The following UFL1 variants were observed in gnomAD, a reference collection of about 807,000 sequenced individuals.
The protein encoded by UFL1 is E3 UFM1-protein ligase 1.
UFL1 carries 78 observed loss-of-function variants against 99.3 expected under a neutral mutation model. The ratio of observed to expected loss-of-function variants is 0.79; its 90% CI spans 0.65 to 0.95. UFL1 has a LOEUF of 0.95. Ranked by LOEUF, UFL1 falls within the 40% of genes least tolerant of loss-of-function variation. The pLI is 0.00. For missense variants in UFL1, 936 were observed against 937.0 expected (o/e 1.00, Z 0.01); for synonymous variants, 335 against 322.2 (o/e 1.04, Z -0.42).
rs1562253703 is a variant in UFL1 at position 96,537,387 on chromosome 6, G to T, written c.816G>T (p.Leu272Phe). The T allele has an allele frequency of 5.1e-6, 8 of 1,574,836 alleles. No individual in the cohort carries two copies. The highest frequency in any genetic ancestry group is 6.9e-6 in the Non-Finnish European group (8 of 1,165,538). ...ATATATTTGTAGAATTTGATGCTTT[G>T]TCCAGACTTGGAATCCCAGATGCTG... Reference protein sequence around the residue: ...RQNGYLEFDALSRLGIPDAVS... With the variant: ...RQNGYLEFDAFSRLGIPDAVS... The change falls in exon 9 of 19, where the codon TTG (leucine) becomes TTT (phenylalanine). Residue 272 changes from leucine to phenylalanine, a missense_variant. By Grantham distance (22) the Leu-to-Phe change is conservative (BLOSUM62 0). Transcript: ENST00000369278.
At position 96,534,252 on chromosome 6, in the gene UFL1, T is replaced by C. The variant is rs1375800851; in HGVS notation, c.597-11T>C. 3.3e-6 allele frequency: 5 copies of C among 1,514,938 alleles called. No homozygotes were observed. The highest frequency in any genetic ancestry group is 3.5e-6 in the Non-Finnish European group (4 of 1,137,840). 93.8% of individuals were successfully genotyped at this position (1,514,938 alleles called of 1,614,324 possible). A position where few individuals can be genotyped will look rare whatever the true frequency, so the allele number is the denominator to read the frequency against. ...AGTAAGAAGTTTTTTTTTTTTTAAC[T>C]TTCCATAAAGGCCTACAGCTGTGAA... is the stretch of plus-strand genomic sequence containing the variant. On this transcript the variant is annotated splice_polypyrimidine_tract_variant and intron_variant, in intron 6 of 18. Transcript: ENST00000369278.
At position 96,538,620 on chromosome 6, in the gene UFL1, T is replaced by G; in HGVS notation, c.979-11T>G. 6.2e-7 allele frequency: 1 copy of G among 1,608,770 alleles called. No individual in the cohort carries two copies. The highest frequency in any genetic ancestry group is 1.7e-5 in the Admixed American group (1 of 59,370). The stretch of plus-strand genomic sequence containing the variant: ...ATTTATACTTTATTTTTATTTTGTT[T>G]GTAATTCTAGCCTCTGCTACCCACT... On this transcript the variant is annotated splice_polypyrimidine_tract_variant and intron_variant, in intron 9 of 18. Coordinates refer to ENST00000369278, the MANE Select transcript of UFL1 (RefSeq NM_015323.5).
At position 96,554,221 on chromosome 6, in the gene UFL1, A is replaced by C. The variant is rs1582448626; in HGVS notation, c.*718A>C. The C allele has an allele frequency of 6.6e-6, 1 of 152,242 alleles. No homozygotes were observed. 9.4% of individuals were successfully genotyped at this position (152,242 alleles called of 1,614,324 possible). The stretch of plus-strand genomic sequence containing the variant: ...CACATGCAATTTATTACCAGTAAGC[A>C]TAAGTCATATTTAACATTGGAATAA... On this transcript the variant is annotated 3_prime_UTR_variant, in exon 19 of 19. Transcript: ENST00000369278.
chr6:96,523,977 T>A (rs1344418768), intron 2 of UFL1, among the ~76,000 whole-genome samples: 1 of 152,164 alleles, frequency 6.6e-6, no homozygotes, highest in East Asian at 1.9e-4. Context: ...CTTAACAGAT[T>A]TTCTTATGCT....
intron 18 of UFL1, among the ~76,000 whole-genome samples, chr6:96,553,074 A>G (rs555110792): frequency 6.6e-6 from 1 of 152,094 alleles, no homozygotes; most frequent in South Asian, 2.1e-4. Flanking sequence ...CCATAAGTCA[A>G]CTTATGGTAA....
At chr6:96,545,509 TAAAC>T (rs1239793887) in intron 12 of UFL1, among the ~76,000 whole-genome samples, 1 of 150,916 alleles carries the variant, frequency 6.6e-6, no homozygotes, top group African/African-American at 2.4e-5. Context: ...CATTTTAGCT[TAAAC>T]AATTATTTGA....
In UFL1 at chr6:96,521,927, G is replaced by A; in HGVS notation, c.54G>A (p.Ala18=). 6.2e-7 allele frequency: 1 copy of A among 1,612,348 alleles called. No homozygotes were observed. Among genetic ancestry groups the A allele is most frequent in the Non-Finnish European group, 8.5e-7 (1 of 1,179,496 alleles). The change falls in exon 1 of 19, where the codon GCG becomes GCA. Residue 18 remains alanine (A), a synonymous_variant. Coordinates refer to ENST00000369278, the MANE Select transcript of UFL1 (RefSeq NM_015323.5). ...IRRLAADFQR[A]QFAEATQRLS... ...GGTTGGCGGCCGACTTCCAGCGGGC[G>A]CAGTTCGCCGAGGCCACGCAGAGGT...
At chr6:96,540,756 A>G (rs933048231) in intron 11 of UFL1, 101 bp downstream of exon 11, 5 of 1,407,690 alleles carry the variant, frequency 3.6e-6, no homozygotes, top group Non-Finnish European at 4.7e-6. Context: ...CCTTTGTTTT[A>G]TTGATTTACC....
At position 96,529,093 on chromosome 6, in the gene UFL1, A is replaced by T. The variant is rs1193716658; in HGVS notation, c.596+461A>T. On this transcript the variant is annotated intron_variant, in intron 6 of 18. Coordinates refer to ENST00000369278, the MANE Select transcript of UFL1 (RefSeq NM_015323.5). ...AATTTTATGACATTTTTTACTTTCT[A>T]GCATTCTGTAATTGTAATGAATAAC... Among the ~76,000 whole-genome samples, 3 of 152,240 alleles carry T rather than the reference A, an allele frequency of 2.0e-5. No homozygotes were observed. The South Asian group carries it at 6.2e-4, about 32-fold the overall frequency.
rs199586317 is a variant in UFL1 at position 96,525,679 on chromosome 6, TA to T, written c.350+304del. Among the ~76,000 whole-genome samples the T allele has an allele frequency of 6.1e-3, 676 of 110,884 alleles. 2 individuals are homozygous for T. Among genetic ancestry groups the T allele is most frequent in the Middle Eastern group, 0.057 (12 of 212 alleles). The allele number at this position is 110,884 out of a possible 152,430, so 72.7% of individuals were successfully genotyped here. A position where few individuals can be genotyped will look rare whatever the true frequency, so the allele number is the denominator to read the frequency against. ...ACATAGCAAAGATCCTGTCTCAAAT[TA>T]AAAAAAAAAAAAAAAAAATTCAGTG... On this transcript the variant is annotated intron_variant, in intron 4 of 18. Coordinates refer to ENST00000369278, the MANE Select transcript of UFL1 (RefSeq NM_015323.5).
At position 96,553,470 on chromosome 6, in the gene UFL1, C is replaced by G. The variant is rs542194906; in HGVS notation, c.2352C>G (p.Leu784=). 2.5e-6 allele frequency: 4 copies of G among 1,613,456 alleles called. No individual in the cohort carries two copies. The East Asian group carries it at 8.9e-5, about 36-fold the overall frequency. The change falls in exon 19 of 19, where the codon CTC becomes CTG. Residue 784 remains leucine (L), a synonymous_variant. Coordinates refer to ENST00000369278, the MANE Select transcript of UFL1 (RefSeq NM_015323.5). ...CTTCATCCATTAAAGACCTTGTTCT[C>G]AAATCTAGGAAATCATCTGTGACGG... ...ELSSSIKDLV[L]KSRKSSVTEE is the part of the protein sequence containing the mutation.
intron 5 of UFL1, among the ~76,000 whole-genome samples, 184 bp from the exon 6 acceptor site, chr6:96,528,318 A>G (rs1348090893): frequency 6.6e-6 from 1 of 152,252 alleles, no homozygotes; most frequent in Non-Finnish European, 1.5e-5. Flanking sequence ...GCCATGAGAT[A>G]GTGAACTTTG....
chr6:96,531,557 C>A (rs571215266), intron 6 of UFL1, among the ~76,000 whole-genome samples: 1 of 152,130 alleles, frequency 6.6e-6, no homozygotes, highest in South Asian at 2.1e-4. Flanking sequence ...GCCACATCAC[C>A]CTCCTAACAC....
At position 96,553,350 on chromosome 6, in the gene UFL1, G is replaced by T. The variant is rs763977120; in HGVS notation, c.2232G>T (p.Lys744Asn). Residue 744 changes from lysine to asparagine, a missense_variant, in exon 19 of 19, where the codon AAG becomes AAT. Physicochemically the swap from Lys to Asn is moderately conservative, Grantham distance 94. Transcript: ENST00000369278. ...TAAAGCAGCTAGTCAGTCAAAGTAA[G>T]AAGACTGGGCAGGGAGATTATCCCT... ...LVVKQLVSQS[K>N]KTGQGDYPLN... 9 of 1,613,668 alleles carry T rather than the reference G, an allele frequency of 5.6e-6. No individual in the cohort carries two copies. Among genetic ancestry groups the T allele is most frequent in the Non-Finnish European group, 7.6e-6 (9 of 1,179,808 alleles).
chr6:96,535,287 A>G (rs568165767), intron 7 of UFL1, among the ~76,000 whole-genome samples: 18 of 152,090 alleles, frequency 1.2e-4, no homozygotes, highest in East Asian at 3.9e-4. Flanking sequence ...CTTTTTGCCA[A>G]TCATCTTTTG....
At chr6:96,530,146 G>A (rs1224637806) in intron 6 of UFL1, among the ~76,000 whole-genome samples, 1 of 152,114 alleles carries the variant, frequency 6.6e-6, no homozygotes, top group Non-Finnish European at 1.5e-5. Flanking sequence ...TAATTGATAA[G>A]AGTCCTTAGT....
chr6:96,528,412 G>A (rs980774463), intron 5 of UFL1, 90 bp from the exon 6 acceptor site: 3 of 1,432,656 alleles, frequency 2.1e-6, no homozygotes, highest in Non-Finnish European at 2.8e-6. Flanking sequence ...TGATACCTCA[G>A]CATGCAGCAT....
chr6:96,547,098 A>G (rs1406028252), intron 12 of UFL1, among the ~76,000 whole-genome samples: 3 of 151,648 alleles, frequency 2.0e-5, no homozygotes, highest in African/African-American at 7.3e-5. Flanking sequence ...GCTTCTGACA[A>G]AGGACTAATA....
At position 96,549,592 on chromosome 6, in the gene UFL1, T is replaced by C. The variant is rs1386210300; in HGVS notation, c.1687+14T>C. On this transcript the variant is annotated intron_variant, in intron 14 of 18. Transcript: ENST00000369278. ...AGTTTTTTGCAGGTATACTTAATCT[T>C]TGTTAATCTTGTTTTTTCATTGATT... The C allele has an allele frequency of 1.3e-6, 2 of 1,594,664 alleles. No homozygotes were observed. The highest frequency in any genetic ancestry group is 1.7e-6 in the Non-Finnish European group (2 of 1,172,534).
Sources: allele counts gnomAD v4.1 joint callset (sites outside exome capture counted in the v4.1 genomes callset), GRCh38; gene constraint gnomAD v4.1.1; transcripts MANE v1.5; gene names NCBI Gene and HGNC (gene_info 2026-07-23, HGNC 2026-07-21).